The following SKIC3 variants were observed in gnomAD, a reference collection of about 807,000 sequenced individuals.
SKIC3 encodes the protein SKI3 subunit of superkiller complex.
the SKIC3 span, among the ~76,000 whole-genome samples, chr5:95,546,123 A>G: frequency 6.6e-6 from 1 of 152,012 alleles, no homozygotes; most frequent in African/African-American, 2.4e-5. Context: ...CTCCCTTGTC[A>G]TGTCTTTCCT....
the SKIC3 span, among the ~76,000 whole-genome samples, chr5:95,472,414 G>A: frequency 4.6e-5 from 7 of 152,228 alleles, no homozygotes; most frequent in East Asian, 3.9e-4. Context: ...GAGTGCCACC[G>A]TCTCTGAAAC....
At chr5:95,508,172 C>T in the SKIC3 span, among the ~76,000 whole-genome samples, 15 of 152,242 alleles carry the variant, frequency 9.9e-5, no homozygotes, top group South Asian at 2.1e-4. Flanking sequence ...CTTTGAACTA[C>T]GGAGAGATCC....
the SKIC3 span, among the ~76,000 whole-genome samples, chr5:95,552,802 A>G: frequency 6.6e-6 from 1 of 152,040 alleles, no homozygotes; most frequent in Admixed American, 6.6e-5. Context: ...AAGAGTAATC[A>G]AAACAATGAG....
chr5:95,525,549 T>C, the SKIC3 span: 1 of 1,613,756 alleles, frequency 6.2e-7, no homozygotes. Flanking sequence ...AAAATGCTTT[T>C]AACTCAAAAA....
the SKIC3 span, chr5:95,497,635 T>C: frequency 9.2e-6 from 6 of 649,326 alleles, no homozygotes; most frequent in African/African-American, 1.8e-5. Flanking sequence ...AAAGTATTTT[T>C]AGAAAACATA....
chr5:95,499,648 G>T, the SKIC3 span, among the ~76,000 whole-genome samples: 1 of 151,912 alleles, frequency 6.6e-6, no homozygotes, highest in Non-Finnish European at 1.5e-5. Flanking sequence ...ATCTTAGAAG[G>T]TATAAATAAT....
chr5:95,488,978 A>C, the SKIC3 span, among the ~76,000 whole-genome samples: 1 of 152,346 alleles, frequency 6.6e-6, no homozygotes, highest in South Asian at 2.1e-4. Flanking sequence ...GATTAAAAAA[A>C]ATTACCCAAC....
the SKIC3 span, chr5:95,530,076 A>G: frequency 1.7e-4 from 281 of 1,612,092 alleles, no homozygotes; most frequent in Non-Finnish European, 2.3e-4. Context: ...CATGCCATAC[A>G]CTGTACATTT....
At chr5:95,541,388 C>T in the SKIC3 span, 1 of 1,612,878 alleles carries the variant, frequency 6.2e-7, no homozygotes, top group Non-Finnish European at 8.5e-7. Flanking sequence ...ACACTTAGAA[C>T]AAAACAAAAC....
the SKIC3 span, among the ~76,000 whole-genome samples, chr5:95,506,514 T>C: frequency 6.4e-4 from 97 of 152,316 alleles, no homozygotes; most frequent in African/African-American, 2.0e-3. Context: ...AGGAAAGATA[T>C]AGAGCTCATT....
At chr5:95,467,777 A>C in the SKIC3 span, 1 of 1,547,950 alleles carries the variant, frequency 6.5e-7, no homozygotes, top group Non-Finnish European at 8.7e-7. Flanking sequence ...AGTAACTTTG[A>C]ACAATAACTC....
At chr5:95,512,856 CAG>C in the SKIC3 span, 1 of 471,378 alleles carries the variant, frequency 2.1e-6, no homozygotes, top group African/African-American at 2.0e-5. Flanking sequence ...ATGCAGAAAA[CAG>C]AGCCTTGCCT....
At chr5:95,500,627 T>C in the SKIC3 span, among the ~76,000 whole-genome samples, 1 of 152,306 alleles carries the variant, frequency 6.6e-6, no homozygotes, top group Admixed American at 6.5e-5. Context: ...CTTCTATAGT[T>C]ATAAGTAGAA....
chr5:95,541,836 T>A, the SKIC3 span: 1 of 1,612,382 alleles, frequency 6.2e-7, no homozygotes. Context: ...ATCCAGGAGC[T>A]TTTGGTAAAC....
the SKIC3 span, among the ~76,000 whole-genome samples, chr5:95,470,163 A>G: frequency 6.6e-6 from 1 of 151,940 alleles, no homozygotes; most frequent in Non-Finnish European, 1.5e-5. Context: ...TATTTTTAGT[A>G]GAGATGGGGT....
the SKIC3 span, among the ~76,000 whole-genome samples, chr5:95,480,364 T>C: frequency 3.9e-5 from 6 of 152,058 alleles, no homozygotes; most frequent in Non-Finnish European, 8.8e-5. Context: ...TCCAATAATT[T>C]AGTAAGTAAA....
chr5:95,465,351 T>C, the SKIC3 span, among the ~76,000 whole-genome samples: 2 of 152,242 alleles, frequency 1.3e-5, no homozygotes, highest in African/African-American at 4.8e-5. Flanking sequence ...ACTGTTCAAA[T>C]GAAATTGTTC....
At chr5:95,493,917 G>A in the SKIC3 span, among the ~76,000 whole-genome samples, 9 of 152,026 alleles carry the variant, frequency 5.9e-5, no homozygotes, top group Non-Finnish European at 1.3e-4. Flanking sequence ...ACACGCTTAA[G>A]TAACATTCCT....
the SKIC3 span, among the ~76,000 whole-genome samples, chr5:95,545,759 C>T: frequency 1.6e-3 from 247 of 152,290 alleles, 1 homozygote; most frequent in Non-Finnish European, 1.6e-3. Flanking sequence ...CTTCTTGTTG[C>T]TACAGTCTAC....
Sources: allele counts gnomAD v4.1 joint callset (sites outside exome capture counted in the v4.1 genomes callset), GRCh38; gene constraint gnomAD v4.1.1; transcripts MANE v1.5; gene names NCBI Gene and HGNC (gene_info 2026-07-23, HGNC 2026-07-21).